The following DLGAP1 variants were observed in gnomAD, a reference collection of about 807,000 sequenced individuals.
DLGAP1 encodes the protein DLG associated protein 1.
In DLGAP1, 11 loss-of-function variants were observed where a neutral mutation model predicts 90.8. The ratio of observed to expected loss-of-function variants is 0.12; its 90% CI spans 0.08 to 0.20. DLGAP1 has a LOEUF of 0.20. Ranked by LOEUF, DLGAP1 falls within the 10% of genes least tolerant of loss-of-function variation. The probability of loss-of-function intolerance (pLI) is 1.00; values close to 1 mark genes in which losing one functional copy is unlikely to be tolerated. For missense variants in DLGAP1, 1,050 were observed against 1,333.8 expected (o/e 0.79, Z 3.31); for synonymous variants, 558 against 540.7 (o/e 1.03, Z -0.44).
At chr18:4,269,873 T>C (rs1389823943) in intron 1 of DLGAP1, among the ~76,000 whole-genome samples, 1 of 152,222 alleles carries the variant, frequency 6.6e-6, no homozygotes, top group Non-Finnish European at 1.5e-5. Context: ...CTGACTAATT[T>C]TGTCCTGAAC....
At chr18:4,345,718 A>G (rs1472490800) in intron 1 of DLGAP1, among the ~76,000 whole-genome samples, 1 of 152,222 alleles carries the variant, frequency 6.6e-6, no homozygotes, top group Admixed American at 6.5e-5. Context: ...GCTAATCTTA[A>G]ACACCTCAAT....
At chr18:4,338,020 A>G (rs2081111239) in intron 1 of DLGAP1, among the ~76,000 whole-genome samples, 1 of 152,262 alleles carries the variant, frequency 6.6e-6, no homozygotes, top group African/African-American at 2.4e-5. Context: ...CATAGTTTTT[A>G]TCTCTCTGCT....
At chr18:4,151,616 A>G (rs1328300545) in intron 1 of DLGAP1, among the ~76,000 whole-genome samples, 1 of 152,256 alleles carries the variant, frequency 6.6e-6, no homozygotes, top group African/African-American at 2.4e-5. Context: ...TGTAAGACAT[A>G]ATATACATAT....
At chr18:3,617,440 A>T (rs898116543) in intron 7 of DLGAP1, among the ~76,000 whole-genome samples, 5 of 151,936 alleles carry the variant, frequency 3.3e-5, no homozygotes, top group African/African-American at 1.2e-4. Flanking sequence ...CTCTAGTAAA[A>T]ATATAAAAAA....
intron 1 of DLGAP1, among the ~76,000 whole-genome samples, chr18:4,341,830 C>A (rs2081195247): frequency 6.6e-6 from 1 of 151,970 alleles, no homozygotes; most frequent in Admixed American, 6.6e-5. Context: ...CTCAAAGAGT[C>A]TTTGAAAGAA....
chr18:3,974,911 T>A (rs2073538020), intron 3 of DLGAP1, among the ~76,000 whole-genome samples: 1 of 151,586 alleles, frequency 6.6e-6, no homozygotes, highest in African/African-American at 2.4e-5. Context: ...AAAATAAAAA[T>A]AAAAATTAAT....
intron 1 of DLGAP1, among the ~76,000 whole-genome samples, chr18:4,450,070 G>A (rs2083781487): frequency 6.6e-6 from 1 of 152,204 alleles, no homozygotes; most frequent in Non-Finnish European, 1.5e-5. Context: ...AAATAGCTTT[G>A]AAGAGAGTGA....
chr18:3,874,551 A>C (rs2148814548), intron 4 of DLGAP1: 3 of 1,471,708 alleles, frequency 2.0e-6, no homozygotes, highest in South Asian at 1.4e-5. Flanking sequence ...AACAACAAAA[A>C]CCACCTTTTA....
chr18:4,006,903 C>T (rs752745600), intron 2 of DLGAP1, among the ~76,000 whole-genome samples: 5 of 152,126 alleles, frequency 3.3e-5, no homozygotes, highest in Admixed American at 1.3e-4. Flanking sequence ...CTACCTCGGC[C>T]TACTAAAGTG....
At chr18:4,026,254 T>C (rs2074697304) in intron 2 of DLGAP1, among the ~76,000 whole-genome samples, 3 of 152,090 alleles carry the variant, frequency 2.0e-5, no homozygotes, top group Admixed American at 2.0e-4. Context: ...ATGCCAGGGG[T>C]CAGTGGGTGG....
intron 7 of DLGAP1, among the ~76,000 whole-genome samples, chr18:3,687,254 C>T (rs1048883541): frequency 6.6e-6 from 1 of 152,204 alleles, no homozygotes; most frequent in African/African-American, 2.4e-5. Context: ...GAAGTGAATA[C>T]AGGCACTCTC....
chr18:3,829,123 G>T (rs1568203588), intron 4 of DLGAP1, among the ~76,000 whole-genome samples: 1 of 152,212 alleles, frequency 6.6e-6, no homozygotes, highest in African/African-American at 2.4e-5. Flanking sequence ...AGGTCAACCT[G>T]AGTTCAAATC....
intron 3 of DLGAP1, among the ~76,000 whole-genome samples, chr18:3,945,372 A>C (rs2072856372): frequency 6.6e-6 from 1 of 152,214 alleles, no homozygotes; most frequent in African/African-American, 2.4e-5. Context: ...CAACAAGTAA[A>C]CATCACTCTT....
chr18:4,032,538 T>C (rs1176095763), intron 2 of DLGAP1, among the ~76,000 whole-genome samples: 1 of 152,200 alleles, frequency 6.6e-6, no homozygotes, highest in South Asian at 2.1e-4. Context: ...ATCTAATTGT[T>C]GGGGTCAGGA....
intron 1 of DLGAP1, among the ~76,000 whole-genome samples, chr18:4,164,143 C>T (rs1040902583): frequency 6.6e-6 from 1 of 152,082 alleles, no homozygotes; most frequent in Non-Finnish European, 1.5e-5. Flanking sequence ...AACCTGCACG[C>T]TAAACATAAC....
At chr18:3,922,027 G>A (rs1481530864) in intron 3 of DLGAP1, among the ~76,000 whole-genome samples, 1 of 152,098 alleles carries the variant, frequency 6.6e-6, no homozygotes, top group African/African-American at 2.4e-5. Context: ...TTTAAAGCAA[G>A]AGGCAGAAGG....
chr18:3,841,200 G>T (rs2068696840), intron 4 of DLGAP1, among the ~76,000 whole-genome samples: 1 of 152,168 alleles, frequency 6.6e-6, no homozygotes, highest in South Asian at 2.1e-4. Flanking sequence ...TATGGAAACA[G>T]TAATCACAGA....
chr18:3,757,480 A>G (rs1210646375), intron 5 of DLGAP1, among the ~76,000 whole-genome samples: 1 of 152,164 alleles, frequency 6.6e-6, no homozygotes, highest in East Asian at 1.9e-4. Flanking sequence ...ATTAATATAC[A>G]CCCAAAAATT....
intron 4 of DLGAP1, among the ~76,000 whole-genome samples, chr18:3,859,680 T>C (rs1765551320): frequency 1.3e-5 from 2 of 152,218 alleles, no homozygotes; most frequent in South Asian, 4.2e-4. Context: ...TTCTAGAAGC[T>C]TGAAAAGGCA....
Sources: allele counts gnomAD v4.1 joint callset (sites outside exome capture counted in the v4.1 genomes callset), GRCh38; gene constraint gnomAD v4.1.1; transcripts MANE v1.5; gene names NCBI Gene and HGNC (gene_info 2026-07-23, HGNC 2026-07-21).